KCNIP4: variants seen among roughly 807,000 people sequenced by gnomAD.
The protein encoded by KCNIP4 is potassium voltage-gated channel interacting protein 4, also known as Kv channel-interacting protein 4.
In KCNIP4, 12 loss-of-function variants were observed where a neutral mutation model predicts 34.0. The observed-to-expected ratio is 0.35, with a 90% CI of 0.23 to 0.57. KCNIP4 has a LOEUF of 0.57. Among genes scored for constraint, KCNIP4 ranks in the 20% least tolerant of loss-of-function variants. The pLI is 0.83. For synonymous variants in KCNIP4, 124 were observed against 102.2 expected (o/e 1.21, Z -1.29); for missense variants, 238 against 311.7 (o/e 0.76, Z 1.78).
chr4:21,250,448 AC>A, intron 1 of KCNIP4, among the ~76,000 whole-genome samples: 1 of 152,268 alleles, frequency 6.6e-6, no homozygotes, highest in Non-Finnish European at 1.5e-5. Context: ...AGTGGGAGTC[AC>A]TAAAAAATCC....
chr4:21,173,717 G>T (rs977095434), intron 1 of KCNIP4, among the ~76,000 whole-genome samples: 1 of 152,204 alleles, frequency 6.6e-6, no homozygotes, highest in Admixed American at 6.5e-5. Flanking sequence ...AGTGCTCTCT[G>T]CAGCAAGCCG....
chr4:20,882,550 C>T, intron 2 of KCNIP4, 58 bp downstream of exon 2: 1 of 1,195,492 alleles, frequency 8.4e-7, no homozygotes, highest in Admixed American at 1.8e-5. Flanking sequence ...TGCATGCAGG[C>T]CTAAAGAAAC....
At chr4:21,105,214 C>A (rs769529517) in intron 1 of KCNIP4, among the ~76,000 whole-genome samples, 3 of 151,590 alleles carry the variant, frequency 2.0e-5, no homozygotes, top group Non-Finnish European at 4.4e-5. Context: ...GATATTGATT[C>A]TTCCTACCCA....
chr4:20,858,775 G>A (rs1324336646), intron 2 of KCNIP4, among the ~76,000 whole-genome samples: 2 of 152,154 alleles, frequency 1.3e-5, no homozygotes, highest in Non-Finnish European at 2.9e-5. Flanking sequence ...AAGCGTGGTT[G>A]TATATTATCC....
At chr4:21,289,058 G>C (rs1313938719) in intron 1 of KCNIP4, among the ~76,000 whole-genome samples, 2 of 152,164 alleles carry the variant, frequency 1.3e-5, no homozygotes, top group Non-Finnish European at 2.9e-5. Context: ...TCAACACAGT[G>C]TGCTTTTAGG....
chr4:20,810,760 A>G (rs1715651983), intron 3 of KCNIP4, among the ~76,000 whole-genome samples: 1 of 152,218 alleles, frequency 6.6e-6, no homozygotes, highest in African/African-American at 2.4e-5. Context: ...CAGAAATAGC[A>G]AATTTTTAAG....
At chr4:21,435,227 T>C (rs1300250371) in intron 1 of KCNIP4, among the ~76,000 whole-genome samples, 1 of 152,110 alleles carries the variant, frequency 6.6e-6, no homozygotes, top group Non-Finnish European at 1.5e-5. Flanking sequence ...AACCAAGACA[T>C]GATAGAGACA....
chr4:21,118,821 G>A (rs1749904803), intron 1 of KCNIP4, among the ~76,000 whole-genome samples: 1 of 152,112 alleles, frequency 6.6e-6, no homozygotes, highest in Non-Finnish European at 1.5e-5. Context: ...AATGGCACCT[G>A]CATCAAATCC....
intron 1 of KCNIP4, among the ~76,000 whole-genome samples, chr4:21,636,990 A>AT (rs1452279198): frequency 1.3e-5 from 2 of 152,048 alleles, no homozygotes; most frequent in African/African-American, 2.4e-5. Context: ...TTGTTTTGCT[A>AT]TTTTTTGTTA....
At chr4:21,734,944 A>G (rs1715882307) in intron 1 of KCNIP4, among the ~76,000 whole-genome samples, 1 of 152,122 alleles carries the variant, frequency 6.6e-6, no homozygotes, top group South Asian at 2.1e-4. Context: ...TCGCTCCTAT[A>G]AATAAAGATT....
At chr4:21,531,457 C>T (rs900203793) in intron 1 of KCNIP4, among the ~76,000 whole-genome samples, 11 of 151,592 alleles carry the variant, frequency 7.3e-5, no homozygotes, top group African/African-American at 2.7e-4. Context: ...CTCACTGCAA[C>T]CTCCACCTCC....
intron 1 of KCNIP4, among the ~76,000 whole-genome samples, chr4:21,358,324 TA>T (rs1318794602): frequency 1.3e-5 from 2 of 151,502 alleles, no homozygotes; most frequent in African/African-American, 2.4e-5. Context: ...ATAATAATAA[TA>T]AAAAAAATCC....
intron 1 of KCNIP4, among the ~76,000 whole-genome samples, chr4:21,620,146 A>C (rs1454645912): frequency 6.6e-6 from 1 of 152,190 alleles, no homozygotes; most frequent in African/African-American, 2.4e-5. Context: ...AGGAATTGGA[A>C]AGTGATTGTT....
chr4:21,307,930 C>T (rs1271282502), intron 1 of KCNIP4, among the ~76,000 whole-genome samples: 1 of 152,170 alleles, frequency 6.6e-6, no homozygotes, highest in African/African-American at 2.4e-5. Flanking sequence ...AAGAAGGTTG[C>T]CCTGCCCAAA....
intron 1 of KCNIP4, among the ~76,000 whole-genome samples, chr4:21,029,178 CTTCT>C (rs1487711591): frequency 6.6e-6 from 1 of 152,140 alleles, no homozygotes; most frequent in Non-Finnish European, 1.5e-5. Flanking sequence ...ATGAGATCAC[CTTCT>C]TTCTAAGATG....
chr4:21,045,946 G>A (rs1165887121), intron 1 of KCNIP4, among the ~76,000 whole-genome samples: 1 of 152,116 alleles, frequency 6.6e-6, no homozygotes, highest in East Asian at 1.9e-4. Flanking sequence ...AGACATTAAT[G>A]GGATTTTTTG....
At chr4:21,219,953 T>C (rs1490613928) in intron 1 of KCNIP4, among the ~76,000 whole-genome samples, 1 of 152,202 alleles carries the variant, frequency 6.6e-6, no homozygotes, top group Non-Finnish European at 1.5e-5. Context: ...ACACAATATA[T>C]AAGACAGATT....
intron 1 of KCNIP4, among the ~76,000 whole-genome samples, chr4:21,782,228 T>C (rs2109215081): frequency 6.6e-6 from 1 of 152,234 alleles, no homozygotes; most frequent in South Asian, 2.1e-4. Context: ...TATAATGATA[T>C]ATATACGTGG....
intron 1 of KCNIP4, among the ~76,000 whole-genome samples, chr4:21,423,394 A>G (rs1331067884): frequency 6.6e-6 from 1 of 152,246 alleles, no homozygotes; most frequent in South Asian, 2.1e-4. Flanking sequence ...TATAACTTCT[A>G]AATTTCCATT....
Sources: gnomAD v4.1 joint callset for allele counts (sites outside exome capture counted in the v4.1 genomes callset) on GRCh38, gnomAD v4.1.1 for gene constraint, MANE v1.5 for transcripts, NCBI Gene and HGNC (gene_info 2026-07-23, HGNC 2026-07-21) for gene names.